Variants in TSPAN5 observed in about 807,000 individuals in gnomAD.
TSPAN5 encodes tetraspanin-5.
TSPAN5 carries 10 observed loss-of-function variants against 37.1 expected under a neutral mutation model. The observed-to-expected ratio is 0.27, with a 90% CI of 0.17 to 0.46. The LOEUF (loss-of-function observed/expected upper bound fraction) is 0.46. Among genes scored for constraint, TSPAN5 ranks in the 20% least tolerant of loss-of-function variants. The probability of loss-of-function intolerance (pLI) is 1.00; values close to 1 mark genes in which losing one functional copy is unlikely to be tolerated. For missense variants in TSPAN5, 195 were observed against 326.6 expected, an observed-to-expected ratio of 0.60 and a Z score of 3.11; for synonymous variants, 110 against 118.9, an observed-to-expected ratio of 0.93 and a Z score of 0.48.
intron 1 of TSPAN5, among the ~76,000 whole-genome samples, chr4:98,577,894 G>C (rs1015938964): frequency 1.3e-5 from 2 of 152,150 alleles, no homozygotes; most frequent in African/African-American, 4.8e-5. Flanking sequence ...CACAGTGCCC[G>C]GCACATGGTA....
At chr4:98,619,041 C>T (rs903846709) in intron 1 of TSPAN5, among the ~76,000 whole-genome samples, 1 of 152,138 alleles carries the variant, frequency 6.6e-6, no homozygotes, top group African/African-American at 2.4e-5. Flanking sequence ...TAAACATGAT[C>T]AGCCCCATAA....
In TSPAN5 at chr4:98,658,422, G is replaced by T; in HGVS notation, c.-196C>A. On this transcript the variant is annotated 5_prime_UTR_variant, in exon 1 of 8. Coordinates refer to ENST00000305798, the MANE Select transcript of TSPAN5 (RefSeq NM_005723.4). Reference sequence around the variant, plus strand: ...GCACCTCCAGCCCCTCGCGCGCCGAGGCCGCCGGAGCCGGGGTGGCCGCGA... The same window carrying T: ...GCACCTCCAGCCCCTCGCGCGCCGATGCCGCCGGAGCCGGGGTGGCCGCGA... 1 of 336,380 alleles carries T rather than the reference G, an allele frequency of 3.0e-6. No homozygotes were observed. Among genetic ancestry groups the T allele is most frequent in the Non-Finnish European group, 5.3e-6 (1 of 188,762 alleles). The allele number at this position is 336,380 out of a possible 1,614,324, so 20.8% of individuals were successfully genotyped here. A position where few individuals can be genotyped will look rare whatever the true frequency, so the allele number is the denominator to read the frequency against.
In TSPAN5 at chr4:98,655,777, T is replaced by C. The variant is rs548100224; in HGVS notation, c.81+2369A>G. ...CCCAGCTTTTCAGTCACTAACATCTTAGTCTGAATTACTTTAACCAAAACC... is the reference window on the plus strand; with the variant it reads ...CCCAGCTTTTCAGTCACTAACATCTCAGTCTGAATTACTTTAACCAAAACC... On this transcript the variant is annotated intron_variant, in intron 1 of 7. Transcript: ENST00000305798. 9.2e-5 allele frequency among the ~76,000 whole-genome samples: 14 copies of C among 152,290 alleles called. No homozygotes were observed. In the South Asian group the frequency reaches 2.9e-3, roughly 32 times the overall value.
intron 1 of TSPAN5, among the ~76,000 whole-genome samples, chr4:98,571,565 T>TA (rs545099194): frequency 2.5e-4 from 37 of 147,872 alleles, no homozygotes; most frequent in South Asian, 1.3e-3. Context: ...GTGAGGTAAG[T>TA]AAAAAAAAAC....
At chr4:98,544,318 C>T (rs1754423012) in intron 1 of TSPAN5, among the ~76,000 whole-genome samples, 1 of 152,230 alleles carries the variant, frequency 6.6e-6, no homozygotes, top group South Asian at 2.1e-4. Context: ...ACCCACAATT[C>T]TCTTTAACTC....
intron 1 of TSPAN5, among the ~76,000 whole-genome samples, chr4:98,579,426 T>A (rs1440002565): frequency 6.6e-6 from 1 of 152,172 alleles, no homozygotes; most frequent in Non-Finnish European, 1.5e-5. Context: ...GAGAGAGAGT[T>A]AATATCAACC....
chr4:98,510,315 A>C (rs899064296), intron 1 of TSPAN5, among the ~76,000 whole-genome samples: 1 of 152,186 alleles, frequency 6.6e-6, no homozygotes, highest in Non-Finnish European at 1.5e-5. Flanking sequence ...CCATGATATA[A>C]AAAGTTGAGG....
chr4:98,484,412 A>G (rs1752915777), intron 3 of TSPAN5: 1 of 455,796 alleles, frequency 2.2e-6, no homozygotes, highest in Non-Finnish European at 4.4e-6. Flanking sequence ...CTGTTCGAAG[A>G]TTATTCCAGG....
chr4:98,548,642 C>G (rs546937289), intron 1 of TSPAN5, among the ~76,000 whole-genome samples: 5 of 152,032 alleles, frequency 3.3e-5, no homozygotes, highest in South Asian at 4.1e-4. Context: ...ACTTTCTACC[C>G]AATCATAATT....
intron 1 of TSPAN5, among the ~76,000 whole-genome samples, chr4:98,616,748 C>A (rs193291600): frequency 2.8e-3 from 425 of 152,210 alleles, no homozygotes; most frequent in Non-Finnish European, 4.6e-3. Context: ...ATTGTTCCAA[C>A]AACAAATGGG....
chr4:98,584,343 T>C (rs1755440167), intron 1 of TSPAN5, among the ~76,000 whole-genome samples: 1 of 152,240 alleles, frequency 6.6e-6, no homozygotes, highest in Non-Finnish European at 1.5e-5. Context: ...TACTCATTTC[T>C]TTTTATTTTA....
At position 98,658,314 on chromosome 4, in the gene TSPAN5, G is replaced by A; in HGVS notation, c.-88C>T. ...CTCGGAGCAGCCCGGCGGGGAGCAGGAGCTCAGGGACACCGCACGGGGCCG... is the reference window on the plus strand; with the variant it reads ...CTCGGAGCAGCCCGGCGGGGAGCAGAAGCTCAGGGACACCGCACGGGGCCG... On this transcript the variant is annotated 5_prime_UTR_variant, in exon 1 of 8. Coordinates refer to ENST00000305798, the MANE Select transcript of TSPAN5 (RefSeq NM_005723.4). 3.6e-6 allele frequency: 4 copies of A among 1,115,062 alleles called. No homozygotes were observed. Among genetic ancestry groups the A allele is most frequent in the Non-Finnish European group, 4.1e-6 (3 of 728,730 alleles). 69.1% of individuals were successfully genotyped at this position (1,115,062 alleles called of 1,614,324 possible). A position where few individuals can be genotyped will look rare whatever the true frequency, so the allele number is the denominator to read the frequency against.
chr4:98,522,582 C>A (rs1420082420), intron 1 of TSPAN5, among the ~76,000 whole-genome samples: 1 of 152,192 alleles, frequency 6.6e-6, no homozygotes, highest in Non-Finnish European at 1.5e-5. Context: ...TCAATCAAAA[C>A]CTAAAACATC....
chr4:98,494,275 A>G (rs1352471679), intron 2 of TSPAN5, among the ~76,000 whole-genome samples: 1 of 152,056 alleles, frequency 6.6e-6, no homozygotes, highest in Non-Finnish European at 1.5e-5. Context: ...ACTTAAGCCA[A>G]TGAGGCTCAC....
intron 1 of TSPAN5, among the ~76,000 whole-genome samples, chr4:98,607,743 T>C (rs187460879): frequency 3.3e-5 from 5 of 151,048 alleles, no homozygotes; most frequent in African/African-American, 1.2e-4. Context: ...GGAGTCTCAC[T>C]CTTGTCACCC....
chr4:98,609,994 G>A (rs1756143844), intron 1 of TSPAN5, among the ~76,000 whole-genome samples: 1 of 152,176 alleles, frequency 6.6e-6, no homozygotes, highest in Non-Finnish European at 1.5e-5. Flanking sequence ...ATAATTCGCA[G>A]AGGCATTAGC....
chr4:98,658,073 C>T, intron 1 of TSPAN5, 73 bp downstream of exon 1: 2 of 1,388,498 alleles, frequency 1.4e-6, no homozygotes, highest in Admixed American at 1.7e-5. Flanking sequence ...GTAAAGGCAA[C>T]GAACAACGTG....
At chr4:98,620,152 T>C (rs974773846) in intron 1 of TSPAN5, among the ~76,000 whole-genome samples, 4 of 134,478 alleles carry the variant, frequency 3.0e-5, no homozygotes, top group African/African-American at 1.2e-4. Context: ...CAATAGAACA[T>C]GTTGGAAATG....
intron 1 of TSPAN5, among the ~76,000 whole-genome samples, chr4:98,526,340 T>C (rs1560523802): frequency 6.6e-6 from 1 of 152,170 alleles, no homozygotes; most frequent in Non-Finnish European, 1.5e-5. Context: ...CTGAACTAGA[T>C]AGTAGTCATG....
Sources: gnomAD v4.1 joint callset for allele counts (sites outside exome capture counted in the v4.1 genomes callset) on GRCh38, gnomAD v4.1.1 for gene constraint, MANE v1.5 for transcripts, NCBI Gene and HGNC (gene_info 2026-07-23, HGNC 2026-07-21) for gene names.